Variants in FAM124A observed in about 807,000 individuals in gnomAD.
The protein encoded by FAM124A is family with sequence similarity 124 member A, also known as protein FAM124A.
FAM124A carries 23 observed loss-of-function variants against 24.5 expected under a neutral mutation model. The observed-to-expected ratio is 0.94, with a 90% CI of 0.68 to 1.33. The LOEUF is 1.33. Among genes scored for constraint, FAM124A ranks in the 40% most tolerant of loss-of-function variants. The pLI, the probability that FAM124A is intolerant of heterozygous loss-of-function variation, is 0.00. For missense variants in FAM124A, 623 were observed against 722.8 expected, an observed-to-expected ratio of 0.86 and a Z score of 1.58; for synonymous variants, 287 against 314.7, an observed-to-expected ratio of 0.91 and a Z score of 0.93.
chr13:51,262,989 C>T (rs946845617), intron 3 of FAM124A, among the ~76,000 whole-genome samples: 1 of 152,238 alleles, frequency 6.6e-6, no homozygotes, highest in Non-Finnish European at 1.5e-5. Flanking sequence ...TAGAGGGCTC[C>T]TGGGCCCACT....
In FAM124A at chr13:51,225,976, C is replaced by CTTTTTTT. The variant is rs780570797; in HGVS notation, c.68+3436_68+3442dup. Among the ~76,000 whole-genome samples, 69 of 67,576 alleles carry CTTTTTTT rather than the reference C, an allele frequency of 1.0e-3. 4 individuals carry two copies. The highest frequency in any genetic ancestry group is 2.9e-3 in the African/African-American group (39 of 13,374). 44.3% of individuals were successfully genotyped at this position (67,576 alleles called of 152,430 possible). ...ATCTGTAATGTTGCTTGCTTGCTTT[C>CTTTTTTT]TTTTTTTTTTTTTTTTTTTTTTTTT... On this transcript the variant is annotated intron_variant, in intron 1 of 3. Transcript: ENST00000322475.
intron 2 of FAM124A, chr13:51,245,203 C>G (rs1007004530): frequency 2.2e-5 from 10 of 459,250 alleles, no homozygotes; most frequent in African/African-American, 1.8e-4. Flanking sequence ...ATTGGTCGGA[C>G]CAGGTGTGCC....
At chr13:51,247,910 C>T (rs1372125931) in intron 2 of FAM124A, among the ~76,000 whole-genome samples, 2 of 152,056 alleles carry the variant, frequency 1.3e-5, no homozygotes, top group Non-Finnish European at 2.9e-5. Flanking sequence ...TCAACCAAAC[C>T]GAAAGAAGCC....
chr13:51,234,525 T>C (rs1954414926), intron 2 of FAM124A, among the ~76,000 whole-genome samples: 1 of 152,126 alleles, frequency 6.6e-6, no homozygotes, highest in Non-Finnish European at 1.5e-5. Context: ...TGCTCTTGGG[T>C]CATTCACCCT....
rs1390408862 is a variant in FAM124A, at chr13:51,258,385, ATCTGTC to A, written c.834+6190_834+6195del. 4.6e-5 allele frequency among the ~76,000 whole-genome samples: 7 copies of A among 152,092 alleles called. No homozygotes were observed. Among genetic ancestry groups the A allele is most frequent in the Non-Finnish European group, 8.8e-5 (6 of 68,020 alleles). On this transcript the variant is annotated intron_variant, in intron 3 of 3. Coordinates refer to ENST00000322475, the MANE Select transcript of FAM124A (RefSeq NM_001242312.2). This position sits in a 1 kb window ranked among gnomAD's most constrained non-coding sequence, Gnocchi z 4.2. ...ATATTTATCTGTTTACTTGTATCTG[ATCTGTC>A]TCTGTTATTATATTGTCAAAAAATG...
At chr13:51,227,566 G>A (rs1954328236) in intron 1 of FAM124A, 1 of 152,230 alleles carries the variant, frequency 6.6e-6, no homozygotes, top group African/African-American at 2.4e-5. Context: ...AAACTGGCAA[G>A]TCGGCTGCTG....
intron 2 of FAM124A, among the ~76,000 whole-genome samples, chr13:51,236,815 C>G (rs1004382245): frequency 6.6e-6 from 1 of 151,908 alleles, no homozygotes; most frequent in Non-Finnish European, 1.5e-5. Context: ...TGCTAGTAGT[C>G]AACTTTTATC....
Position 51,226,750 on chromosome 13 carries a change from T to C in FAM124A, c.68+4181T>C, listed in dbSNP as rs117322407. ...ATGGAAGAAACAGTTCCGAGAAACT[T>C]TGTGGGTCCCACTGCCAGTGGCCAT... On this transcript the variant is annotated intron_variant, in intron 1 of 3. Coordinates refer to ENST00000322475, the MANE Select transcript of FAM124A (RefSeq NM_001242312.2). 4.9e-3 allele frequency among the ~76,000 whole-genome samples: 749 copies of C among 152,286 alleles called. 1 individual carries two copies. The highest frequency in any genetic ancestry group is 0.017 in the Middle Eastern group (5 of 294).
rs1485963065 is a variant in FAM124A, at chr13:51,222,463, G to T, written c.-39G>T. ...CGGGAGGGAGGGCGCCCCGGGTCAC[G>T]ACGGCGCCCGCAAGCCGAGCGCGGC... On this transcript the variant is annotated 5_prime_UTR_variant, in exon 1 of 4. Coordinates refer to ENST00000322475, the MANE Select transcript of FAM124A (RefSeq NM_001242312.2). 56 of 1,201,422 alleles carry T rather than the reference G, an allele frequency of 4.7e-5. No individual in the cohort carries two copies. Among genetic ancestry groups the T allele is most frequent in the Non-Finnish European group, 5.5e-5 (53 of 969,440 alleles). 74.4% of individuals were successfully genotyped at this position (1,201,422 alleles called of 1,614,324 possible).
chr13:51,262,543 A>G (rs1232539540), intron 3 of FAM124A, among the ~76,000 whole-genome samples: 1 of 152,060 alleles, frequency 6.6e-6, no homozygotes, highest in East Asian at 1.9e-4. Context: ...TATCCCCAAA[A>G]ATGTAGGAAA....
intron 1 of FAM124A, 52 bp downstream of exon 1, chr13:51,222,621 G>A: frequency 8.2e-7 from 1 of 1,212,714 alleles, no homozygotes; most frequent in Non-Finnish European, 1.0e-6. Context: ...CGAGTTGCGC[G>A]GCGGCTCCTC....
chr13:51,252,402 CTCT>C, intron 3 of FAM124A: 1 of 670,074 alleles, frequency 1.5e-6, no homozygotes, highest in Non-Finnish European at 2.4e-6. Context: ...CCCATTGGTT[CTCT>C]TCATTTCACT....
chr13:51,246,382 C>G (rs542066422), intron 2 of FAM124A, among the ~76,000 whole-genome samples: 1 of 127,838 alleles, frequency 7.8e-6, no homozygotes, highest in South Asian at 2.7e-4. Context: ...TCCAGCTCCA[C>G]AGAGGCATGT....
chr13:51,280,439 T>C lies in FAM124A; in HGVS notation c.835-11T>C. On this transcript the variant is annotated splice_polypyrimidine_tract_variant and intron_variant, in intron 3 of 3. Coordinates refer to ENST00000322475, the MANE Select transcript of FAM124A (RefSeq NM_001242312.2). ...ATCCTGCACTAATGTGATCTGCCTCTCCCCCCACAGGCACAAAGGGTGCAT... is the reference window on the plus strand; with the variant it reads ...ATCCTGCACTAATGTGATCTGCCTCCCCCCCCACAGGCACAAAGGGTGCAT... 1 of 1,574,946 alleles carries C rather than the reference T, an allele frequency of 6.3e-7. No individual in the cohort carries two copies. The highest frequency in any genetic ancestry group is 8.6e-7 in the Non-Finnish European group (1 of 1,158,314).
rs575215644 is a variant in FAM124A, at chr13:51,247,808, A to C, written c.101-3660A>C. Among the ~76,000 whole-genome samples the C allele has an allele frequency of 3.3e-5, 5 of 152,300 alleles. No homozygotes were observed. In the South Asian group the frequency reaches 1.0e-3, roughly 32 times the overall value. ...TTTAGATGATGTGGTATTTTCTCCT[A>C]CTTTTACTGGAGTTACTCACTGGCA... is the stretch of plus-strand genomic sequence containing the variant. On this transcript the variant is annotated intron_variant, in intron 2 of 3. Coordinates refer to ENST00000322475, the MANE Select transcript of FAM124A (RefSeq NM_001242312.2).
In FAM124A at chr13:51,251,604, C is replaced by T; in HGVS notation, c.237C>T (p.Phe79=). The change falls in exon 3 of 4, where the codon TTC becomes TTT. Residue 79 remains phenylalanine (F), a synonymous_variant. Coordinates refer to ENST00000322475, the MANE Select transcript of FAM124A (RefSeq NM_001242312.2). The surrounding 1 kb of genome is among the most constrained non-coding windows in gnomAD (Gnocchi z 5.3). ...LAWIHPDLPL[F]RVSERRASRR... is the part of the protein sequence containing the mutation. ...GGATCCACCCCGACCTCCCGCTGTT[C>T]CGGGTGTCCGAGAGGCGGGCGTCCC... 1 of 1,573,782 alleles carries T rather than the reference C, an allele frequency of 6.4e-7. No individual in the cohort carries two copies. Among genetic ancestry groups the T allele is most frequent in the Non-Finnish European group, 8.6e-7 (1 of 1,157,628 alleles).
intron 2 of FAM124A, chr13:51,245,450 C>A: frequency 1.6e-6 from 1 of 606,670 alleles, no homozygotes; most frequent in Non-Finnish European, 2.9e-6. Flanking sequence ...CAGCTTCCGG[C>A]ATTCATCTGT....
At chr13:51,242,724 C>A (rs79476580) in intron 2 of FAM124A, among the ~76,000 whole-genome samples, 2 of 152,032 alleles carry the variant, frequency 1.3e-5, no homozygotes, top group African/African-American at 4.8e-5. Flanking sequence ...AAAAAAAAAC[C>A]GGCAGGGTAT....
At chr13:51,228,494 C>T (rs1369242988) in intron 1 of FAM124A, among the ~76,000 whole-genome samples, 2 of 152,148 alleles carry the variant, frequency 1.3e-5, no homozygotes, top group African/African-American at 4.8e-5. Flanking sequence ...ATTCACCTTT[C>T]ATGCTTCATT....
Sources: allele counts gnomAD v4.1 joint callset (sites outside exome capture counted in the v4.1 genomes callset), GRCh38; gene constraint gnomAD v4.1.1; non-coding constraint Gnocchi (gnomAD v3.1); transcripts MANE v1.5; gene names NCBI Gene and HGNC (gene_info 2026-07-23, HGNC 2026-07-21).